The following LMCD1 variants were observed in gnomAD, a reference collection of about 807,000 sequenced individuals.
LMCD1 encodes the protein LIM and cysteine rich domains 1.
In LMCD1, 32 loss-of-function variants were observed where a neutral mutation model predicts 42.7. That is an observed-to-expected ratio of 0.75 (90% CI 0.57 to 1.01). The LOEUF (loss-of-function observed/expected upper bound fraction) is 1.01. Ranked by LOEUF, LMCD1 falls within the 50% of genes least tolerant of loss-of-function variation. The pLI is 0.00. For synonymous variants in LMCD1, 178 were observed against 184.9 expected (o/e 0.96, Z 0.30); for missense variants, 458 against 483.1 (o/e 0.95, Z 0.49).
In LMCD1 at chr3:8,512,819, G is replaced by C. The variant is rs535028983; in HGVS notation, c.42+10839G>C. Among the ~76,000 whole-genome samples the C allele has an allele frequency of 3.3e-5, 5 of 152,330 alleles. No homozygotes were observed. The East Asian group carries it at 9.6e-4, about 29-fold the overall frequency. The stretch of plus-strand genomic sequence containing the variant: ...GGCTTAGGGATTCTCTAGGTCAACT[G>C]CCTTCTTTAACAGATGAGGAAACAG... On this transcript the variant is annotated intron_variant, in intron 1 of 5. Coordinates refer to ENST00000157600, the MANE Select transcript of LMCD1 (RefSeq NM_014583.4).
chr3:8,550,229 A>C, intron 4 of LMCD1: 1 of 1,107,558 alleles, frequency 9.0e-7, no homozygotes, highest in Non-Finnish European at 1.1e-6. Context: ...TCTAGCGTGT[A>C]CTGCGTTTCT....
intron 1 of LMCD1, among the ~76,000 whole-genome samples, chr3:8,524,453 G>A (rs922491475): frequency 6.6e-6 from 1 of 152,162 alleles, no homozygotes; most frequent in East Asian, 1.9e-4. Flanking sequence ...CTTCGGTCTG[G>A]TTAAGAGAAT....
chr3:8,548,543 G>A (rs767474589), intron 3 of LMCD1, 25 bp from the exon 4 acceptor site: 1 of 1,539,042 alleles, frequency 6.5e-7, no homozygotes, highest in South Asian at 1.2e-5. Flanking sequence ...ACATCATGTT[G>A]TCTCTTCCTC....
chr3:8,560,505 C>A (rs1382296016), intron 4 of LMCD1, among the ~76,000 whole-genome samples: 1 of 152,134 alleles, frequency 6.6e-6, no homozygotes, highest in Admixed American at 6.5e-5. Context: ...GTGGGGAGCC[C>A]CATTGATATA....
At chr3:8,542,583 T>A (rs1011138070) in intron 3 of LMCD1, among the ~76,000 whole-genome samples, 2 of 152,140 alleles carry the variant, frequency 1.3e-5, no homozygotes, top group Non-Finnish European at 2.9e-5. Context: ...GAATGGGGGA[T>A]CCTGTTACCA....
At chr3:8,514,817 A>G (rs1279986668) in intron 1 of LMCD1, 2 of 388,964 alleles carry the variant, frequency 5.1e-6, no homozygotes, top group African/African-American at 2.1e-5. Flanking sequence ...ATCAACAGTG[A>G]TAGAAATCAG....
chr3:8,514,553 T>G (rs958171304), intron 1 of LMCD1, among the ~76,000 whole-genome samples: 8 of 152,166 alleles, frequency 5.3e-5, no homozygotes, highest in Non-Finnish European at 1.0e-4. Context: ...CAAAAAAATT[T>G]TGGGCAAAAA....
chr3:8,556,964 A>G (rs764320730), intron 4 of LMCD1, among the ~76,000 whole-genome samples: 3 of 152,192 alleles, frequency 2.0e-5, no homozygotes, highest in Non-Finnish European at 4.4e-5. Context: ...GTGACCACCA[A>G]CACCAGGCTA....
At chr3:8,561,275 A>T (rs1695029037) in intron 4 of LMCD1, among the ~76,000 whole-genome samples, 2 of 152,246 alleles carry the variant, frequency 1.3e-5, no homozygotes, top group Non-Finnish European at 2.9e-5. Flanking sequence ...GTGAGCCAAG[A>T]GCCAAAATTG....
At chr3:8,507,611 A>G (rs1181349030) in intron 1 of LMCD1, among the ~76,000 whole-genome samples, 2 of 152,236 alleles carry the variant, frequency 1.3e-5, no homozygotes, top group African/African-American at 4.8e-5. Flanking sequence ...AAGGAAAGAC[A>G]TCTCTAAGGG....
intron 1 of LMCD1, among the ~76,000 whole-genome samples, chr3:8,510,647 G>A (rs1385065710): frequency 6.6e-6 from 1 of 152,134 alleles, no homozygotes; most frequent in Admixed American, 6.5e-5. Flanking sequence ...TTACAGCTGA[G>A]ATAGATCCTC....
chr3:8,524,200 G>GAAAAA (rs767993356), intron 1 of LMCD1, among the ~76,000 whole-genome samples: 32 of 87,478 alleles, frequency 3.7e-4, no homozygotes, highest in African/African-American at 1.3e-3. Flanking sequence ...ACTTCTTAAG[G>GAAAAA]AAAAAAAAAA....
chr3:8,524,663 T>C (rs1296624796), intron 1 of LMCD1, among the ~76,000 whole-genome samples: 3 of 149,076 alleles, frequency 2.0e-5, no homozygotes, highest in African/African-American at 7.4e-5. Context: ...TTAAGAGGTA[T>C]AACTTGATGG....
chr3:8,542,919 A>C (rs1694653817), intron 3 of LMCD1, among the ~76,000 whole-genome samples: 1 of 152,198 alleles, frequency 6.6e-6, no homozygotes, highest in Non-Finnish European at 1.5e-5. Context: ...CCTCCCTAAG[A>C]GTTGGCTGTT....
rs185557177 is a variant in LMCD1 at position 8,573,528 on chromosome 3, G to A, written c.*5930G>A. 1 of 152,334 alleles carries A rather than the reference G, an allele frequency of 6.6e-6. No individual in the cohort carries two copies. The highest frequency in any genetic ancestry group is 6.5e-5 in the Admixed American group (1 of 15,288). The allele number at this position is 152,334 out of a possible 1,614,324, so 9.4% of individuals were successfully genotyped here. ...GGCTTCAAATATGAAAAAGTTACAT[G>A]AAAGATGAAACTATGCAATGGCATG... On this transcript the variant is annotated 3_prime_UTR_variant, in exon 6 of 6. Coordinates refer to ENST00000157600, the MANE Select transcript of LMCD1 (RefSeq NM_014583.4).
chr3:8,544,651 C>T (rs1373972128), intron 3 of LMCD1, among the ~76,000 whole-genome samples: 1 of 152,188 alleles, frequency 6.6e-6, no homozygotes, highest in Non-Finnish European at 1.5e-5. Context: ...GCTTCCTCAC[C>T]ACTGCTCCCT....
chr3:8,506,433 G>A (rs1251664544), intron 1 of LMCD1, among the ~76,000 whole-genome samples: 1 of 152,152 alleles, frequency 6.6e-6, no homozygotes, highest in Admixed American at 6.5e-5. Flanking sequence ...CCAGGAAGGA[G>A]GGGCTGCACA....
chr3:8,514,598 C>G (rs981787168), intron 1 of LMCD1, among the ~76,000 whole-genome samples: 2 of 152,152 alleles, frequency 1.3e-5, no homozygotes, highest in Admixed American at 6.5e-5. Flanking sequence ...TAGCCCCAAA[C>G]TGGAAATAAT....
intron 4 of LMCD1, among the ~76,000 whole-genome samples, chr3:8,558,241 A>G (rs1694963100): frequency 6.6e-6 from 1 of 152,220 alleles, no homozygotes; most frequent in East Asian, 1.9e-4. Flanking sequence ...AACATGACTT[A>G]AACACCCATG....
Sources: allele counts gnomAD v4.1 joint callset (sites outside exome capture counted in the v4.1 genomes callset), GRCh38; gene constraint gnomAD v4.1.1; transcripts MANE v1.5; gene names NCBI Gene and HGNC (gene_info 2026-07-23, HGNC 2026-07-21).